The following FGGY variants were observed in gnomAD, a reference collection of about 807,000 sequenced individuals.
FGGY encodes the protein FGGY carbohydrate kinase domain containing, also known as FGGY carbohydrate kinase domain-containing protein.
Under a neutral mutation model 71.3 loss-of-function variants are expected in FGGY, and 72 were observed. The observed-to-expected ratio is 1.01, with a 90% confidence interval of 0.84 to 1.23. FGGY has a LOEUF of 1.23. FGGY is among the 50% of genes most tolerant of loss of function. FGGY has a pLI of 0.00. For missense variants in FGGY, 668 were observed against 682.3 expected (o/e 0.98, Z 0.23); for synonymous variants, 251 against 250.3 (o/e 1.00, Z -0.02).
At chr1:59,726,347 A>G (rs1379667662) in intron 14 of FGGY, among the ~76,000 whole-genome samples, 1 of 151,780 alleles carries the variant, frequency 6.6e-6, no homozygotes, top group African/African-American at 2.4e-5. Context: ...TATTAAGAAT[A>G]TTTTGCATCT....
chr1:59,490,207 T>C (rs926646410), intron 6 of FGGY, among the ~76,000 whole-genome samples: 46 of 152,104 alleles, frequency 3.0e-4, no homozygotes, highest in African/African-American at 1.1e-3. Flanking sequence ...CACACCACCA[T>C]ACCCACCTAA....
chr1:59,363,974 G>A (rs1220264875), intron 4 of FGGY, among the ~76,000 whole-genome samples: 1 of 152,202 alleles, frequency 6.6e-6, no homozygotes, highest in African/African-American at 2.4e-5. Flanking sequence ...AAATGAACAA[G>A]TAAGGATGCA....
rs1360473279 is a variant in FGGY at position 59,576,671 on chromosome 1, CAGACAG to C, written c.903+22446_903+22451del. Among the ~76,000 whole-genome samples, 10 of 136,592 alleles carry C rather than the reference CAGACAG, an allele frequency of 7.3e-5. No homozygotes were observed. The East Asian group carries it at 8.4e-4, about 11-fold the overall frequency. The allele number at this position is 136,592 out of a possible 152,430, so 89.6% of individuals were successfully genotyped here. A position where few individuals can be genotyped will look rare whatever the true frequency, so the allele number is the denominator to read the frequency against. On this transcript the variant is annotated intron_variant, in intron 8 of 15. Transcript: ENST00000303721. ...TAGAGATTACAGACAGACAGACAGA[CAGACAG>C]ACACACACACACACACACACACACA...
chr1:59,751,270 AAAT>A (rs906078136), intron 14 of FGGY, among the ~76,000 whole-genome samples: 74 of 67,568 alleles, frequency 1.1e-3, no homozygotes, highest in African/African-American at 2.1e-3. Flanking sequence ...CATGTACTTA[AAAT>A]AATCAGCACA....
chr1:59,366,383 T>A (rs1212220948), intron 4 of FGGY, among the ~76,000 whole-genome samples: 1 of 152,124 alleles, frequency 6.6e-6, no homozygotes, highest in Non-Finnish European at 1.5e-5. Context: ...AAATATTTAT[T>A]CCACTTGATG....
At chr1:59,499,761 G>C (rs2094166469) in intron 6 of FGGY, among the ~76,000 whole-genome samples, 1 of 152,156 alleles carries the variant, frequency 6.6e-6, no homozygotes. Context: ...AGTAACAGCA[G>C]ACTTAGCCTT....
chr1:59,759,679 G>A (rs1424837138), intron 15 of FGGY, among the ~76,000 whole-genome samples: 1 of 152,212 alleles, frequency 6.6e-6, no homozygotes, highest in Non-Finnish European at 1.5e-5. Context: ...GACAGGAGAA[G>A]CCAGTTTCCT....
intron 12 of FGGY, 114 bp from the exon 13 acceptor site, chr1:59,667,169 A>G (rs746277632): frequency 7.8e-7 from 1 of 1,277,054 alleles, no homozygotes; most frequent in South Asian, 1.2e-5. Flanking sequence ...GCTTTCTGAG[A>G]TAGTGTATGT....
At chr1:59,301,288 A>C (rs769463527) in intron 1 of FGGY, among the ~76,000 whole-genome samples, 1 of 152,162 alleles carries the variant, frequency 6.6e-6, no homozygotes, top group Non-Finnish European at 1.5e-5. Flanking sequence ...TTTTCTTGTT[A>C]CTGGTATATT....
At chr1:59,328,228 T>C (rs777487514) in intron 2 of FGGY, among the ~76,000 whole-genome samples, 4 of 152,258 alleles carry the variant, frequency 2.6e-5, no homozygotes, top group Non-Finnish European at 5.9e-5. Context: ...AAATATGTTG[T>C]TTAGTGTAGA....
At chr1:59,516,639 A>G (rs1361789514) in intron 7 of FGGY, among the ~76,000 whole-genome samples, 2 of 152,198 alleles carry the variant, frequency 1.3e-5, no homozygotes, top group Admixed American at 6.5e-5. Context: ...GTATAGGTTG[A>G]GGTCAGTAAT....
intron 5 of FGGY, among the ~76,000 whole-genome samples, chr1:59,387,654 A>G (rs1318087932): frequency 6.6e-6 from 1 of 152,196 alleles, no homozygotes; most frequent in Non-Finnish European, 1.5e-5. Flanking sequence ...AGAATGGCAT[A>G]TTGAACACCC....
intron 8 of FGGY, among the ~76,000 whole-genome samples, chr1:59,571,244 A>G (rs1188027195): frequency 1.3e-5 from 2 of 152,214 alleles, no homozygotes; most frequent in African/African-American, 2.4e-5. Context: ...TAGAAAACAC[A>G]TGGATGTTAA....
At position 59,588,239 on chromosome 1, in the gene FGGY, G is replaced by A. The variant is rs370337690; in HGVS notation, c.904-19564G>A. 4.9e-3 allele frequency among the ~76,000 whole-genome samples: 739 copies of A among 152,088 alleles called. 5 individuals carry two copies. Among genetic ancestry groups the A allele is most frequent in the African/African-American group, 0.017 (704 of 41,478 alleles). On this transcript the variant is annotated intron_variant, in intron 8 of 15. Coordinates refer to ENST00000303721, the MANE Select transcript of FGGY (RefSeq NM_018291.5). Reference sequence around the variant, plus strand: ...TGAAATGAAGCGAGAAGGGAAGTTTGGAGAAAAAAGAATAAAAAGAAACGA... The same window carrying A: ...TGAAATGAAGCGAGAAGGGAAGTTTAGAGAAAAAAGAATAAAAAGAAACGA...
chr1:59,529,773 A>G (rs1046040251), intron 7 of FGGY, among the ~76,000 whole-genome samples: 1 of 152,220 alleles, frequency 6.6e-6, no homozygotes, highest in Non-Finnish European at 1.5e-5. Context: ...ATACTTTTAT[A>G]CACAATAGTT....
intron 1 of FGGY, among the ~76,000 whole-genome samples, chr1:59,315,087 A>T (rs1274801400): frequency 6.6e-6 from 1 of 152,114 alleles, no homozygotes; most frequent in Non-Finnish European, 1.5e-5. Flanking sequence ...TCCAGGTGTG[A>T]GTGGCTGACC....
At chr1:59,741,330 G>A (rs180713776) in intron 14 of FGGY, among the ~76,000 whole-genome samples, 1 of 152,138 alleles carries the variant, frequency 6.6e-6, no homozygotes, top group African/African-American at 2.4e-5. Context: ...GTACCACATA[G>A]TGAGTTCTCA....
intron 15 of FGGY, among the ~76,000 whole-genome samples, chr1:59,760,773 CA>C (rs747831034): frequency 4.6e-5 from 7 of 152,308 alleles, no homozygotes; most frequent in Non-Finnish European, 1.0e-4. Context: ...TCAGTATTAA[CA>C]TTGTAAATCA....
chr1:59,579,878 T>C (rs369087349), intron 8 of FGGY, among the ~76,000 whole-genome samples: 6 of 152,196 alleles, frequency 3.9e-5, no homozygotes, highest in African/African-American at 1.4e-4. Context: ...AAATAAAAGA[T>C]CTGTTCCTCT....
Sources: allele counts gnomAD v4.1 joint callset (sites outside exome capture counted in the v4.1 genomes callset), GRCh38; gene constraint gnomAD v4.1.1; transcripts MANE v1.5; gene names NCBI Gene and HGNC (gene_info 2026-07-23, HGNC 2026-07-21).